Variants in SLC23A2 observed in about 807,000 individuals in gnomAD.
SLC23A2 encodes Na(+)/L-ascorbic acid transporter 2.
SLC23A2 carries 36 observed loss-of-function variants against 73.3 expected under a neutral mutation model. The ratio of observed to expected loss-of-function variants is 0.49; its 90% CI spans 0.38 to 0.65. SLC23A2 has a LOEUF of 0.65. Ranked by LOEUF, SLC23A2 falls within the 30% of genes least tolerant of loss-of-function variation. The probability of loss-of-function intolerance (pLI) is 0.00; values close to 1 mark genes in which losing one functional copy is unlikely to be tolerated. For missense variants in SLC23A2, 507 were observed against 841.6 expected, an observed-to-expected ratio of 0.60 and a Z score of 4.92; for synonymous variants, 343 against 327.3, an observed-to-expected ratio of 1.05 and a Z score of -0.52.
chr20:4,974,023 C>CA (rs1395312889), intron 1 of SLC23A2, among the ~76,000 whole-genome samples: 9 of 152,186 alleles, frequency 5.9e-5, no homozygotes, highest in African/African-American at 1.7e-4. Flanking sequence ...GACTCAACAT[C>CA]ATTTCCTTAA....
chr20:4,879,429 A>AAAAAAAAAAAAAAAAAAAAAC (rs1930793769), intron 9 of SLC23A2, among the ~76,000 whole-genome samples: 1 of 151,304 alleles, frequency 6.6e-6, no homozygotes, highest in Non-Finnish European at 1.5e-5. Context: ...AAAAAAAAAA[A>AAAAAAAAAAAAAAAAAAAAAC]AAAATCCTCC....
intron 2 of SLC23A2, among the ~76,000 whole-genome samples, chr20:4,959,397 A>G (rs531590620): frequency 2.0e-5 from 3 of 152,358 alleles, no homozygotes; most frequent in South Asian, 4.1e-4. Flanking sequence ...ATAAGTTTCC[A>G]TAAGACCCAG....
intron 3 of SLC23A2, among the ~76,000 whole-genome samples, chr20:4,918,130 C>G (rs896303444): frequency 6.6e-6 from 1 of 152,114 alleles, no homozygotes; most frequent in Non-Finnish European, 1.5e-5. Flanking sequence ...GGAAATAAAA[C>G]ATGTCTTGGG....
In SLC23A2 at chr20:4,992,512, T is replaced by G. The variant is rs1332837227; in HGVS notation, c.-282+8894A>C. ...TAAAAAAAGATTGACAGTTTTTTTT[T>G]TTTTTTTTTTTTGGAGACGGAGTTT... On this transcript the variant is annotated intron_variant, in intron 1 of 16. Coordinates refer to ENST00000338244, the MANE Select transcript of SLC23A2 (RefSeq NM_005116.6). Among the ~76,000 whole-genome samples the G allele has an allele frequency of 2.0e-5, 3 of 149,796 alleles. No homozygotes were observed. The East Asian group carries it at 5.9e-4, about 30-fold the overall frequency.
At chr20:4,904,341 C>T (rs1421500600) in intron 4 of SLC23A2, among the ~76,000 whole-genome samples, 1 of 152,222 alleles carries the variant, frequency 6.6e-6, no homozygotes, top group Admixed American at 6.5e-5. Flanking sequence ...CTGAACACTG[C>T]CTGCATGACT....
At chr20:4,986,717 G>A (rs1436598284) in intron 1 of SLC23A2, among the ~76,000 whole-genome samples, 1 of 129,800 alleles carries the variant, frequency 7.7e-6, no homozygotes, top group Non-Finnish European at 1.7e-5. Context: ...GAGAGAAGTG[G>A]GTCAGTCAAA....
At chr20:4,896,310 G>A (rs895911246) in intron 6 of SLC23A2, among the ~76,000 whole-genome samples, 3 of 152,172 alleles carry the variant, frequency 2.0e-5, no homozygotes, top group Non-Finnish European at 4.4e-5. Context: ...CAGGGTCTGA[G>A]GCCGTGCGGA....
Position 4,932,446 on chromosome 20 carries a change from TATG to T in SLC23A2, c.108+6_108+8del. On this transcript the variant is annotated splice_donor_region_variant and intron_variant, in intron 3 of 16. Transcript: ENST00000338244. Reference sequence around the variant, plus strand: ...AGATTTAAGAAAGGAAGATGGGGAATATGATTACCGGAAGAGTGAAGAAAGCTG... The same window carrying T: ...AGATTTAAGAAAGGAAGATGGGGAATATTACCGGAAGAGTGAAGAAAGCTG... The T allele has an allele frequency of 7.0e-7, 1 of 1,426,720 alleles. No individual in the cohort carries two copies. Among genetic ancestry groups the T allele is most frequent in the Non-Finnish European group, 9.9e-7 (1 of 1,008,730 alleles). The allele number at this position is 1,426,720 out of a possible 1,614,324, so 88.4% of individuals were successfully genotyped here. A position where few individuals can be genotyped will look rare whatever the true frequency, so the allele number is the denominator to read the frequency against.
In SLC23A2 at chr20:4,872,559, T is replaced by C. The variant is rs143295286; in HGVS notation, c.1102+1377A>G. Among the ~76,000 whole-genome samples the C allele has an allele frequency of 4.7e-3, 712 of 152,208 alleles. 6 individuals are homozygous for C. The highest frequency in any genetic ancestry group is 7.8e-3 in the Non-Finnish European group (531 of 67,992). Reference sequence around the variant, plus strand: ...TGCACAAGCAGAAGACCACCTTGTATACGCTGTGGGGGCTTCTACCTACCT... The same window carrying C: ...TGCACAAGCAGAAGACCACCTTGTACACGCTGTGGGGGCTTCTACCTACCT... On this transcript the variant is annotated intron_variant, in intron 11 of 16. Coordinates refer to ENST00000338244, the MANE Select transcript of SLC23A2 (RefSeq NM_005116.6). This position sits in a 1 kb window ranked among gnomAD's most constrained non-coding sequence, Gnocchi z 4.4.
chr20:4,919,382 G>A (rs1474208859), intron 3 of SLC23A2, among the ~76,000 whole-genome samples: 4 of 152,198 alleles, frequency 2.6e-5, no homozygotes, highest in Non-Finnish European at 5.9e-5. Context: ...GCCTTCTCCA[G>A]AAGGCTAAGG....
At chr20:4,985,136 CAA>C (rs56246524) in intron 1 of SLC23A2, among the ~76,000 whole-genome samples, 221 of 103,952 alleles carry the variant, frequency 2.1e-3, no homozygotes, top group African/African-American at 4.2e-3. Context: ...ACTCCGTCTC[CAA>C]AAAAAAAAAA....
At chr20:4,881,889 T>C (rs928603402) in intron 9 of SLC23A2, among the ~76,000 whole-genome samples, 4 of 152,220 alleles carry the variant, frequency 2.6e-5, no homozygotes, top group Non-Finnish European at 4.4e-5. Context: ...CACTTTTTTT[T>C]TTAAGCTTGT....
chr20:4,994,018 A>G (rs1169230226), intron 1 of SLC23A2, among the ~76,000 whole-genome samples: 1 of 152,146 alleles, frequency 6.6e-6, no homozygotes, highest in Non-Finnish European at 1.5e-5. Context: ...TGAGCCCGGG[A>G]GGCAGAAGCT....
chr20:4,950,631 G>A (rs986260515), intron 2 of SLC23A2, among the ~76,000 whole-genome samples: 1 of 152,130 alleles, frequency 6.6e-6, no homozygotes, highest in African/African-American at 2.4e-5. Context: ...CCAAGCCAGG[G>A]CCTACCAGGA....
At chr20:4,982,000 C>CGATGGCAA (rs1555808009) in intron 1 of SLC23A2, among the ~76,000 whole-genome samples, 1 of 148,624 alleles carries the variant, frequency 6.7e-6, no homozygotes, top group Non-Finnish European at 1.5e-5. Context: ...CGTGCCCAGC[C>CGATGGCAA]TCTTTCTTTT....
At chr20:4,866,876 G>T (rs903977949) in intron 13 of SLC23A2, among the ~76,000 whole-genome samples, 1 of 152,046 alleles carries the variant, frequency 6.6e-6, no homozygotes, top group Non-Finnish European at 1.5e-5. Flanking sequence ...GGAGACCTGT[G>T]AGACGTAGGC....
intron 2 of SLC23A2, among the ~76,000 whole-genome samples, chr20:4,965,736 G>T (rs1436870971): frequency 6.6e-6 from 1 of 152,180 alleles, no homozygotes; most frequent in Non-Finnish European, 1.5e-5. Context: ...GGAGGCCAAG[G>T]GAGGCAGATC....
intron 2 of SLC23A2, among the ~76,000 whole-genome samples, chr20:4,937,080 C>T (rs913488329): frequency 6.6e-6 from 1 of 152,144 alleles, no homozygotes; most frequent in Non-Finnish European, 1.5e-5. Flanking sequence ...CAGAGCATTC[C>T]ACACCCCGGT....
intron 1 of SLC23A2, among the ~76,000 whole-genome samples, chr20:4,976,624 G>A (rs770841242): frequency 2.7e-5 from 4 of 150,816 alleles, no homozygotes; most frequent in East Asian, 2.0e-4. Flanking sequence ...GCAGTGCGCC[G>A]AGATCATGGC....
Sources: allele counts gnomAD v4.1 joint callset (sites outside exome capture counted in the v4.1 genomes callset), GRCh38; gene constraint gnomAD v4.1.1; non-coding constraint Gnocchi (gnomAD v3.1); transcripts MANE v1.5; gene names NCBI Gene and HGNC (gene_info 2026-07-23, HGNC 2026-07-21).